TMEM245: variants seen among roughly 807,000 people sequenced by gnomAD.
The protein encoded by TMEM245 is protein CG-2.
A neutral mutation model predicts 101.2 loss-of-function variants in TMEM245; 69 were observed. The ratio of observed to expected loss-of-function variants is 0.68; its 90% CI spans 0.56 to 0.83. The LOEUF (loss-of-function observed/expected upper bound fraction) is 0.83, where lower values mean the gene tolerates loss of function less well. Among genes scored for constraint, TMEM245 ranks in the 40% least tolerant of loss-of-function variants. The pLI, the probability that TMEM245 is intolerant of heterozygous loss-of-function variation, is 0.00. For synonymous variants in TMEM245, 537 were observed against 449.8 expected, an observed-to-expected ratio of 1.19 and a Z score of -2.45; for missense variants, 1,075 against 1,092.8, an observed-to-expected ratio of 0.98 and a Z score of 0.23.
At chr9:109,076,614 G>A (rs1408284333) in intron 8 of TMEM245, among the ~76,000 whole-genome samples, 1 of 152,098 alleles carries the variant, frequency 6.6e-6, no homozygotes, top group African/African-American at 2.4e-5. Flanking sequence ...CAAAAAAAAA[G>A]TATGTTGCTT....
intron 4 of TMEM245, among the ~76,000 whole-genome samples, chr9:109,092,183 T>G (rs1830026575): frequency 1.3e-5 from 2 of 152,220 alleles, no homozygotes; most frequent in African/African-American, 4.8e-5. Context: ...TTGTTCTCCC[T>G]CCACTGAATT....
chr9:109,106,707 A>G (rs1352623607), intron 2 of TMEM245, 98 bp from the exon 3 acceptor site: 6 of 740,654 alleles, frequency 8.1e-6, no homozygotes, highest in Non-Finnish European at 8.4e-6. Context: ...AATCTGGTAT[A>G]TATATTAGTT....
chr9:109,114,064 G>A (rs955173859), intron 1 of TMEM245, among the ~76,000 whole-genome samples: 1 of 151,956 alleles, frequency 6.6e-6, no homozygotes, highest in African/African-American at 2.4e-5. Context: ...CAACAAGAGC[G>A]TAAATCCATC....
At chr9:109,026,771 T>C (rs1406711783) in intron 17 of TMEM245, among the ~76,000 whole-genome samples, 2 of 151,766 alleles carry the variant, frequency 1.3e-5, no homozygotes, top group Non-Finnish European at 2.9e-5. Context: ...AGATCCCTCA[T>C]GAATGGTTTG....
chr9:109,070,406 G>C (rs117704126), intron 9 of TMEM245, among the ~76,000 whole-genome samples: 203 of 152,252 alleles, frequency 1.3e-3, no homozygotes, highest in Non-Finnish European at 2.4e-3. Context: ...AATTTCCAAA[G>C]CTAGAAACAT....
At chr9:109,056,258 C>T (rs1313669295) in intron 12 of TMEM245, among the ~76,000 whole-genome samples, 4 of 152,000 alleles carry the variant, frequency 2.6e-5, no homozygotes, top group South Asian at 2.1e-4. Context: ...AATCTTTTAG[C>T]GTTGCTGCCT....
chr9:109,110,629 A>G (rs1249139431), intron 1 of TMEM245, among the ~76,000 whole-genome samples: 1 of 152,152 alleles, frequency 6.6e-6, no homozygotes, highest in Non-Finnish European at 1.5e-5. Flanking sequence ...GCCCCACCCT[A>G]TTAAACATTA....
chr9:109,037,957 T>C (rs1828185746), intron 15 of TMEM245, 60 bp downstream of exon 15: 1 of 1,393,928 alleles, frequency 7.2e-7, no homozygotes, highest in Non-Finnish European at 9.7e-7. Context: ...CCTAGATGTA[T>C]GTAAAATGGC....
intron 1 of TMEM245, among the ~76,000 whole-genome samples, chr9:109,116,626 G>A: frequency 6.6e-6 from 1 of 151,988 alleles, no homozygotes; most frequent in African/African-American, 2.4e-5. Context: ...CCAACTCTTG[G>A]GTTCAAGAGA....
chr9:109,084,624 G>A (rs1829781204), intron 7 of TMEM245, among the ~76,000 whole-genome samples: 1 of 152,190 alleles, frequency 6.6e-6, no homozygotes, highest in Non-Finnish European at 1.5e-5. Context: ...CAGTTGCAGT[G>A]AGCTTTCATT....
chr9:109,033,898 T>A (rs968291924), intron 16 of TMEM245, among the ~76,000 whole-genome samples: 4 of 152,198 alleles, frequency 2.6e-5, no homozygotes, highest in Non-Finnish European at 4.4e-5. Context: ...TGTAATTCAG[T>A]TAATTATGCT....
At chr9:109,087,401 G>A in intron 5 of TMEM245, 59 bp from the exon 6 acceptor site, 3 of 1,442,656 alleles carry the variant, frequency 2.1e-6, no homozygotes, top group Non-Finnish European at 2.8e-6. Context: ...GTTGTAACAT[G>A]AAAAGGTACC....
At chr9:109,046,466 G>T (rs1828496646) in intron 14 of TMEM245, among the ~76,000 whole-genome samples, 1 of 152,148 alleles carries the variant, frequency 6.6e-6, no homozygotes, top group African/African-American at 2.4e-5. Context: ...CAACTGAGAA[G>T]AATACTTATT....
At chr9:109,051,641 A>G (rs1026397744) in intron 12 of TMEM245, among the ~76,000 whole-genome samples, 1 of 152,200 alleles carries the variant, frequency 6.6e-6, no homozygotes, top group Non-Finnish European at 1.5e-5. Context: ...ACAGTATTAT[A>G]ATCTTATGGG....
chr9:109,081,326 A>C (rs1021144704), intron 7 of TMEM245, among the ~76,000 whole-genome samples: 17 of 152,350 alleles, frequency 1.1e-4, no homozygotes, highest in African/African-American at 3.8e-4. Flanking sequence ...TTTAACAAAT[A>C]CACACGACTT....
intron 3 of TMEM245, among the ~76,000 whole-genome samples, chr9:109,105,411 G>C (rs1830383793): frequency 6.6e-6 from 1 of 152,192 alleles, no homozygotes; most frequent in Admixed American, 6.5e-5. Context: ...GTAGAAATCT[G>C]AATGGTACAT....
At chr9:109,077,566 T>C (rs1424219627) in intron 8 of TMEM245, among the ~76,000 whole-genome samples, 1 of 152,248 alleles carries the variant, frequency 6.6e-6, no homozygotes, top group East Asian at 1.9e-4. Context: ...CTCCTTTTAA[T>C]TCTGAATGTT....
At chr9:109,079,954 C>T (rs1564195342) in intron 8 of TMEM245, among the ~76,000 whole-genome samples, 1 of 151,956 alleles carries the variant, frequency 6.6e-6, no homozygotes, top group Non-Finnish European at 1.5e-5. Context: ...AACAGAAGTA[C>T]TAGAAGAGAT....
chr9:109,060,288 T>A, intron 11 of TMEM245, 66 bp downstream of exon 11: 1 of 1,127,748 alleles, frequency 8.9e-7, no homozygotes, highest in Non-Finnish European at 1.3e-6. Flanking sequence ...TAATCCTATC[T>A]AGTTGATGAG....
Sources: allele counts gnomAD v4.1 joint callset (sites outside exome capture counted in the v4.1 genomes callset), GRCh38; gene constraint gnomAD v4.1.1; transcripts MANE v1.5; gene names NCBI Gene and HGNC (gene_info 2026-07-23, HGNC 2026-07-21).